The following TPR variants were observed in gnomAD, a reference collection of about 807,000 sequenced individuals.
The protein encoded by TPR is nucleoprotein TPR.
TPR carries 51 observed loss-of-function variants against 316.1 expected under a neutral mutation model. That is an observed-to-expected ratio of 0.16 (90% CI 0.13 to 0.20). The LOEUF (loss-of-function observed/expected upper bound fraction) is 0.20, where lower values mean the gene tolerates loss of function less well. Ranked by LOEUF, TPR falls within the 10% of genes least tolerant of loss-of-function variation. The pLI is 1.00. For missense variants in TPR, 2,272 were observed against 2,754.8 expected, an observed-to-expected ratio of 0.82 and a Z score of 3.92; for synonymous variants, 981 against 914.7, an observed-to-expected ratio of 1.07 and a Z score of -1.31.
Position 186,313,736 on chromosome 1 carries a change from T to C in TPR, c.*235A>G, listed in dbSNP as rs1657456137. On this transcript the variant is annotated 3_prime_UTR_variant, in exon 51 of 51. Coordinates refer to ENST00000367478, the MANE Select transcript of TPR (RefSeq NM_003292.3). ...GAACAGCAAGAGCAATTACTACTCG[T>C]TCTGGGCAGACCTTATCCAAAGTCT... 1.9e-6 allele frequency: 3 copies of C among 1,610,404 alleles called. No homozygotes were observed. Among genetic ancestry groups the C allele is most frequent in the Admixed American group, 1.7e-5 (1 of 60,016 alleles).
chr1:186,359,756 A>C, intron 12 of TPR, 43 bp downstream of exon 12: 1 of 1,549,578 alleles, frequency 6.5e-7, no homozygotes, highest in South Asian at 1.3e-5. Context: ...ATCATTTCTC[A>C]TTTGTATTGT....
At chr1:186,318,148 G>A (rs567511096) in intron 48 of TPR, among the ~76,000 whole-genome samples, 3 of 152,074 alleles carry the variant, frequency 2.0e-5, no homozygotes, top group Non-Finnish European at 4.4e-5. Context: ...TTTAAGTCAT[G>A]TGAAAATTTC....
intron 4 of TPR, among the ~76,000 whole-genome samples, chr1:186,364,652 T>C (rs1347976246): frequency 6.6e-6 from 1 of 152,190 alleles, no homozygotes; most frequent in East Asian, 1.9e-4. Context: ...TTGATAATTT[T>C]AGAAAGGTTT....
At chr1:186,370,294 TG>T (rs1373638291) in intron 3 of TPR, among the ~76,000 whole-genome samples, 1 of 152,146 alleles carries the variant, frequency 6.6e-6, no homozygotes, top group Non-Finnish European at 1.5e-5. Flanking sequence ...CACATTAATT[TG>T]GAAAACATTT....
rs751452225 is a variant in TPR, at chr1:186,357,389, C to T, written c.1724+8G>A. 6.2e-7 allele frequency: 1 copy of T among 1,613,072 alleles called. No individual in the cohort carries two copies. Among genetic ancestry groups the T allele is most frequent in the South Asian group, 1.1e-5 (1 of 91,034 alleles). On this transcript the variant is annotated splice_region_variant and intron_variant, in intron 14 of 50. Transcript: ENST00000367478. ...TTGCTCAACAAGCTGAGGTATGTGA[C>T]TACTTACTTGGATGAAGTTGTTTCT...
chr1:186,314,631 C>G lies in TPR; in HGVS notation c.7034G>C (p.Arg2345Thr), dbSNP rs868528804. The G allele has an allele frequency of 8.1e-6, 13 of 1,605,404 alleles. No individual in the cohort carries two copies. The highest frequency in any genetic ancestry group is 1.0e-5 in the Non-Finnish European group (12 of 1,175,594). Reference protein sequence around the residue: ...GVRGRQFNRQRGVSHAMGGRG... With the variant: ...GVRGRQFNRQTGVSHAMGGRG... ...ATCCAGTTATGTCAGAAATTCACCT[C>G]TCTGTCTGTTAAACTGACGACCACG... The change falls in exon 50 of 51, where the codon AGA (arginine) becomes ACA (threonine). Residue 2345 changes from arginine (R) to threonine (T), a missense_variant and splice_region_variant. Around this residue, in one of 10 missense-constraint regions of TPR, gnomAD observed 123 missense variants for 142.3 expected, o/e 0.86. Coordinates refer to ENST00000367478, the MANE Select transcript of TPR (RefSeq NM_003292.3).
chr1:186,335,676 A>G (rs186013695), intron 33 of TPR, 133 bp from the exon 34 acceptor site: 15 of 574,684 alleles, frequency 2.6e-5, no homozygotes, highest in Non-Finnish European at 3.7e-5. Context: ...TACATCATAC[A>G]TCTCAATGAG....
chr1:186,370,081 A>G (rs1327161923), intron 3 of TPR, among the ~76,000 whole-genome samples: 1 of 152,116 alleles, frequency 6.6e-6, no homozygotes, highest in East Asian at 1.9e-4. Context: ...ACTGATTTTT[A>G]TATCAGCATT....
chr1:186,312,159 T>G lies in TPR; in HGVS notation c.*1812A>C. The G allele has an allele frequency of 3.1e-6, 5 of 1,610,002 alleles. No individual in the cohort carries two copies. The highest frequency in any genetic ancestry group is 4.3e-6 in the Non-Finnish European group (5 of 1,176,378). ...ATTAATTTTCATTTTCCATGTGATA[T>G]TCTAATACATAACAGGTGGCAGCAT... On this transcript the variant is annotated 3_prime_UTR_variant, in exon 51 of 51. Transcript: ENST00000367478.
Position 186,355,515 on chromosome 1 carries a change from T to C in TPR, c.2066A>G (p.Asn689Ser). 1 of 1,612,520 alleles carries C rather than the reference T, an allele frequency of 6.2e-7. No individual in the cohort carries two copies. Among genetic ancestry groups the C allele is most frequent in the Non-Finnish European group, 8.5e-7 (1 of 1,179,736 alleles). The change falls in exon 17 of 51, where the codon AAT (asparagine) becomes AGT (serine). Residue 689 changes from asparagine (N) to serine (S), a missense_variant. Coordinates refer to ENST00000367478, the MANE Select transcript of TPR (RefSeq NM_003292.3). ...AAGCTGCTCATTTTGTATTTTTTCA[T>C]TTTCTGCTTTTTCTTTTTTGTAGTT... ...FENYKKEKAE[N>S]EKIQNEQLEK...
chr1:186,324,434 T>C (rs1173346208), intron 42 of TPR, among the ~76,000 whole-genome samples: 2 of 152,186 alleles, frequency 1.3e-5, no homozygotes, highest in Non-Finnish European at 2.9e-5. Flanking sequence ...TTTTAACAAA[T>C]GTCTCTCAAA....
In TPR at chr1:186,339,722, G is replaced by C. The variant is rs147127406; in HGVS notation, c.4071C>G (p.Leu1357=). The change falls in exon 30 of 51, where the codon CTC becomes CTG. Residue 1357 remains leucine (L), a synonymous_variant. Coordinates refer to ENST00000367478, the MANE Select transcript of TPR (RefSeq NM_003292.3). ...TAGTATGAACTTCCTTTTCAGAAAG[G>C]AGCTTCCGATATTCTTCTGTATCTG... is the stretch of plus-strand genomic sequence containing the variant. ...KDPDTEEYRK[L]LSEKEVHTKR... 2,017 of 1,603,258 alleles carry C rather than the reference G, an allele frequency of 1.3e-3. 4 individuals are homozygous for C. The highest frequency in any genetic ancestry group is 1.4e-3 in the Non-Finnish European group (1,654 of 1,174,742).
chr1:186,324,950 A>T (rs949371534), intron 42 of TPR, among the ~76,000 whole-genome samples: 11 of 152,240 alleles, frequency 7.2e-5, no homozygotes, highest in African/African-American at 2.6e-4. Flanking sequence ...AAAGTATATC[A>T]ATTTCTCATC....
At chr1:186,348,684 AT>A (rs1221420377) in intron 21 of TPR, among the ~76,000 whole-genome samples, 1 of 152,046 alleles carries the variant, frequency 6.6e-6, no homozygotes, top group African/African-American at 2.4e-5. Context: ...CAGCTGTAAA[AT>A]TCCTCTCTTT....
At chr1:186,322,754 A>C in intron 43 of TPR, 168 bp from the exon 44 acceptor site, 1 of 632,522 alleles carries the variant, frequency 1.6e-6, no homozygotes, top group Non-Finnish European at 2.8e-6. Context: ...TTTGTCAATG[A>C]CAAATTTTTA....
chr1:186,351,537 G>A, intron 19 of TPR, 67 bp from the exon 20 acceptor site: 5 of 1,463,698 alleles, frequency 3.4e-6, no homozygotes, highest in African/African-American at 2.9e-5. Context: ...AAAAATTGAA[G>A]GCAAGAAAGA....
chr1:186,359,392 G>T (rs1659116960), intron 12 of TPR, among the ~76,000 whole-genome samples: 1 of 151,976 alleles, frequency 6.6e-6, no homozygotes, highest in South Asian at 2.1e-4. Context: ...TTCTACCTAT[G>T]GTCAAACAAT....
chr1:186,343,513 A>T (rs1658575491), intron 26 of TPR, 40 bp from the exon 27 acceptor site: 1 of 1,579,982 alleles, frequency 6.3e-7, no homozygotes, highest in Admixed American at 1.8e-5. Context: ...GTGAATTTTA[A>T]AAAGCCAACA....
Position 186,336,562 on chromosome 1 carries a change from T to C in TPR, c.4639A>G (p.Thr1547Ala). ...TTTCTGGTTTTTTCTTCCTTTTCAG[T>C]TATCTGTTGTCGGAGCTGCTCCTCC... ...TQEEQLRQQI[T>A]EKEEKTRKAI... The change falls in exon 33 of 51, where the codon ACT becomes GCT. Residue 1547 changes from threonine to alanine, a missense_variant. By Grantham distance (58) the Thr-to-Ala change is moderately conservative. This residue lies in a region of TPR where 109 missense variants were observed against 215.3 expected (regional missense o/e 0.51). Transcript: ENST00000367478. 6.2e-7 allele frequency: 1 copy of C among 1,613,954 alleles called. No homozygotes were observed. The highest frequency in any genetic ancestry group is 8.5e-7 in the Non-Finnish European group (1 of 1,179,894).
Sources: gnomAD v4.1 joint callset for allele counts (sites outside exome capture counted in the v4.1 genomes callset) on GRCh38, gnomAD v4.1.1 for gene constraint, gnomAD v4.1.1 regional missense constraint, MANE v1.5 for transcripts, NCBI Gene and HGNC (gene_info 2026-07-23, HGNC 2026-07-21) for gene names.